Variants in SCAPER observed in about 807,000 individuals in gnomAD.
The protein encoded by SCAPER is S-phase cyclin A associated protein in the ER, also known as S phase cyclin A-associated protein in the endoplasmic reticulum.
In SCAPER, 98 loss-of-function variants were observed where a neutral mutation model predicts 182.2. The observed-to-expected ratio is 0.54, with a 90% CI of 0.46 to 0.64. SCAPER has a LOEUF of 0.64. Among genes scored for constraint, SCAPER ranks in the 30% least tolerant of loss-of-function variants. The pLI is 0.00. For synonymous variants in SCAPER, 605 were observed against 564.6 expected (o/e 1.07, Z -1.01); for missense variants, 1,432 against 1,690.0 (o/e 0.85, Z 2.68).
intron 22 of SCAPER, among the ~76,000 whole-genome samples, chr15:76,607,211 G>T (rs1313400461): frequency 6.6e-6 from 1 of 152,126 alleles, no homozygotes; most frequent in African/African-American, 2.4e-5. Context: ...GGGCAGGCCT[G>T]GTGGTGACAA....
At position 76,539,514 on chromosome 15, in the gene SCAPER, A is replaced by G. The variant is rs567219383; in HGVS notation, c.2839-34540T>C. Among the ~76,000 whole-genome samples the G allele has an allele frequency of 5.3e-5, 8 of 150,748 alleles. No homozygotes were observed. The East Asian group carries it at 1.4e-3, about 26-fold the overall frequency. ...TCCAAATTATTTTGGCTACTTTTTAACACATCTGAAGTTTCTTAAAATCAA... is the reference window on the plus strand; with the variant it reads ...TCCAAATTATTTTGGCTACTTTTTAGCACATCTGAAGTTTCTTAAAATCAA... On this transcript the variant is annotated intron_variant, in intron 23 of 31. Transcript: ENST00000563290.
At chr15:76,842,955 G>C (rs1245421257) in intron 4 of SCAPER, among the ~76,000 whole-genome samples, 1 of 152,090 alleles carries the variant, frequency 6.6e-6, no homozygotes, top group African/African-American at 2.4e-5. Flanking sequence ...AATTAACTTA[G>C]GAAGTTTCCT....
Position 76,370,765 on chromosome 15 carries a change from T to G in SCAPER, c.3855+5397A>C, listed in dbSNP as rs189861351. The stretch of plus-strand genomic sequence containing the variant: ...ACACAGCTAATGGCAGAGCTGGGGC[T>G]AGAACCCAGGCTTTCTATCTGCTAA... On this transcript the variant is annotated intron_variant, in intron 29 of 31. Coordinates refer to ENST00000563290, the MANE Select transcript of SCAPER (RefSeq NM_020843.4). Among the ~76,000 whole-genome samples, 11 of 152,336 alleles carry G rather than the reference T, an allele frequency of 7.2e-5. No individual in the cohort carries two copies. The East Asian group carries it at 2.1e-3, about 29-fold the overall frequency.
intron 5 of SCAPER, among the ~76,000 whole-genome samples, chr15:76,816,918 C>T (rs1159416829): frequency 6.6e-6 from 1 of 152,190 alleles, no homozygotes; most frequent in Non-Finnish European, 1.5e-5. Context: ...TCCCAAAGTG[C>T]TGGGATTACA....
intron 2 of SCAPER, 63 bp from the exon 3 acceptor site, chr15:76,862,596 A>C (rs1385723445): frequency 9.5e-7 from 1 of 1,049,774 alleles, no homozygotes; most frequent in East Asian, 2.8e-5. Flanking sequence ...TATTTAACAA[A>C]GTCATTATTT....
At chr15:76,799,880 G>C (rs958902701) in intron 7 of SCAPER, among the ~76,000 whole-genome samples, 5 of 152,168 alleles carry the variant, frequency 3.3e-5, no homozygotes, top group African/African-American at 1.2e-4. Flanking sequence ...GAGTCCCAGG[G>C]AACTATCTTG....
intron 22 of SCAPER, among the ~76,000 whole-genome samples, chr15:76,616,646 T>C (rs915303828): frequency 6.6e-6 from 1 of 152,098 alleles, no homozygotes; most frequent in African/African-American, 2.4e-5. Context: ...ATCACCATTT[T>C]AAAAAATGAA....
chr15:76,756,905 T>G (rs1051858892), intron 14 of SCAPER, among the ~76,000 whole-genome samples: 2 of 152,220 alleles, frequency 1.3e-5, no homozygotes, highest in African/African-American at 4.8e-5. Context: ...AAATCAAGAT[T>G]TAAACTTGGT....
intron 23 of SCAPER, among the ~76,000 whole-genome samples, chr15:76,560,163 G>A (rs1185352857): frequency 6.6e-6 from 1 of 152,030 alleles, no homozygotes; most frequent in East Asian, 1.9e-4. Context: ...ATAGCATTGG[G>A]TGTGGGTCCT....
intron 4 of SCAPER, chr15:76,855,785 G>A (rs933153623): frequency 2.7e-6 from 1 of 367,196 alleles, no homozygotes; most frequent in Non-Finnish European, 5.7e-6. Context: ...TCTTGGCAAG[G>A]TTGTGGAGAT....
Position 76,804,590 on chromosome 15 carries a change from G to C in SCAPER, c.437C>G (p.Ala146Gly), listed in dbSNP as rs2066011342. The change falls in exon 6 of 32, where the codon GCA becomes GGA. Residue 146 changes from alanine (A) to glycine (G), a missense_variant. This residue lies in a region of SCAPER where 480 missense variants were observed against 510.2 expected (regional missense o/e 0.94). Coordinates refer to ENST00000563290, the MANE Select transcript of SCAPER (RefSeq NM_020843.4). The part of the protein sequence containing the change: ...MLDNYVRDFK[A>G]LIDWIQLQEK... ...CTGAAGCTGAATCCAGTCAATCAAT[G>C]CTTTGAAATCTCTTACATAGTTATC... 1 of 1,611,478 alleles carries C rather than the reference G, an allele frequency of 6.2e-7. No homozygotes were observed. Among genetic ancestry groups the C allele is most frequent in the Non-Finnish European group, 8.5e-7 (1 of 1,179,348 alleles).
intron 15 of SCAPER, among the ~76,000 whole-genome samples, chr15:76,734,827 G>A (rs983812956): frequency 1.3e-5 from 2 of 151,938 alleles, no homozygotes; most frequent in Admixed American, 6.6e-5. Flanking sequence ...AACCAAGATC[G>A]CACCACTGCA....
At chr15:76,796,516 C>CAGCAGA (rs759964298) in intron 7 of SCAPER, among the ~76,000 whole-genome samples, 21 of 152,120 alleles carry the variant, frequency 1.4e-4, no homozygotes, top group Non-Finnish European at 2.2e-4. Context: ...ATAACTCAAC[C>CAGCAGA]AGCAGAAGCA....
intron 5 of SCAPER, among the ~76,000 whole-genome samples, chr15:76,814,039 G>A (rs960220944): frequency 1.3e-5 from 2 of 152,066 alleles, no homozygotes; most frequent in African/African-American, 2.4e-5. Context: ...ATGGTGGCAG[G>A]TGCCTATAAT....
chr15:76,784,604 C>T, intron 8 of SCAPER, among the ~76,000 whole-genome samples: 1 of 152,182 alleles, frequency 6.6e-6, no homozygotes, highest in Middle Eastern at 3.2e-3. Context: ...AAGAACAAAG[C>T]TGAAGGCAAC....
rs574588934 is a variant in SCAPER at position 76,738,932 on chromosome 15, C to T, written c.1867-5548G>A. On this transcript the variant is annotated intron_variant, in intron 15 of 31. Transcript: ENST00000563290. ...TTGATGCAGGATTGACACAAACATTCAATTTTTTAAAACTCAGTAAGTATC... is the reference window on the plus strand; with the variant it reads ...TTGATGCAGGATTGACACAAACATTTAATTTTTTAAAACTCAGTAAGTATC... Among the ~76,000 whole-genome samples the T allele has an allele frequency of 5.3e-5, 8 of 152,222 alleles. No individual in the cohort carries two copies. The East Asian group carries it at 1.3e-3, about 26-fold the overall frequency.
chr15:76,637,251 T>G lies in SCAPER; in HGVS notation c.2646-15422A>C, dbSNP rs151123983. On this transcript the variant is annotated intron_variant, in intron 21 of 31. Transcript: ENST00000563290. ...TTTGTTTGAATATGTCTTCAATTCTTGAGGGTATATATCTAAGAGCAGAAT... is the reference window on the plus strand; with the variant it reads ...TTTGTTTGAATATGTCTTCAATTCTGGAGGGTATATATCTAAGAGCAGAAT... Among the ~76,000 whole-genome samples the G allele has an allele frequency of 7.0e-4, 106 of 152,268 alleles. 2 individuals carry two copies. The East Asian group carries it at 0.018, about 25-fold the overall frequency.
At position 76,433,954 on chromosome 15, in the gene SCAPER, C is replaced by T. The variant is rs1035236926; in HGVS notation, c.3311+124G>A. 2.6e-4 allele frequency: 189 copies of T among 735,058 alleles called. 1 individual carries two copies. The highest frequency in any genetic ancestry group is 1.5e-4 in the Admixed American group (5 of 33,942). 45.5% of individuals were successfully genotyped at this position (735,058 alleles called of 1,614,324 possible). On this transcript the variant is annotated intron_variant, in intron 26 of 31. Transcript: ENST00000563290. ...ATATTTACAAGGTATTCTTGGTATT[C>T]TCTACCAGGAATGTGTGAATGGCAT...
At chr15:76,398,811 T>C (rs1224882922) in intron 27 of SCAPER, among the ~76,000 whole-genome samples, 2 of 152,208 alleles carry the variant, frequency 1.3e-5, no homozygotes, top group Non-Finnish European at 2.9e-5. Flanking sequence ...TATAAGTTCC[T>C]CTCTTCAGTG....
Sources: allele counts gnomAD v4.1 joint callset (sites outside exome capture counted in the v4.1 genomes callset), GRCh38; gene constraint gnomAD v4.1.1; regional missense constraint gnomAD v4.1.1; transcripts MANE v1.5; gene names NCBI Gene and HGNC (gene_info 2026-07-23, HGNC 2026-07-21).